Variants in DOCK1 observed in about 807,000 individuals in gnomAD.
DOCK1 encodes the protein dedicator of cytokinesis protein 1.
A neutral mutation model predicts 262.7 loss-of-function variants in DOCK1; 138 were observed. The observed-to-expected ratio is 0.53, with a 90% CI of 0.46 to 0.61. The LOEUF is 0.61. Ranked by LOEUF, DOCK1 falls within the 20% of genes least tolerant of loss-of-function variation. The pLI, the probability that DOCK1 is intolerant of heterozygous loss-of-function variation, is 0.00. For missense variants in DOCK1, 1,908 were observed against 2,370.7 expected (o/e 0.80, Z 4.05); for synonymous variants, 866 against 867.4 (o/e 1.00, Z 0.03).
At chr10:126,987,456 C>A in intron 4 of DOCK1, 65 bp from the exon 5 acceptor site, 1 of 1,343,078 alleles carries the variant, frequency 7.4e-7, no homozygotes, top group Non-Finnish European at 1.0e-6. Context: ...TGAAATTTAC[C>A]AGGTACTACT....
chr10:126,933,444 C>G (rs1407620390), intron 1 of DOCK1, among the ~76,000 whole-genome samples: 1 of 152,160 alleles, frequency 6.6e-6, no homozygotes, highest in Non-Finnish European at 1.5e-5. Flanking sequence ...TGGGTTGCCT[C>G]CTGCCTGTAA....
chr10:127,068,193 C>T (rs972855764), intron 23 of DOCK1, among the ~76,000 whole-genome samples: 3 of 152,244 alleles, frequency 2.0e-5, no homozygotes, highest in Admixed American at 2.0e-4. Flanking sequence ...TATTTTCTTG[C>T]CTTAAATCTT....
intron 27 of DOCK1, among the ~76,000 whole-genome samples, chr10:127,238,438 G>A (rs189496695): frequency 6.6e-6 from 1 of 152,244 alleles, no homozygotes. Flanking sequence ...AGCCTCCTCT[G>A]GACCAACCAT....
At chr10:127,045,377 T>A (rs2044279996) in intron 21 of DOCK1, among the ~76,000 whole-genome samples, 1 of 151,770 alleles carries the variant, frequency 6.6e-6, no homozygotes, top group Non-Finnish European at 1.5e-5. Flanking sequence ...TCCAAAGGAG[T>A]CAGTGGCGAC....
intron 27 of DOCK1, among the ~76,000 whole-genome samples, chr10:127,238,688 C>T: frequency 6.6e-6 from 1 of 152,238 alleles, no homozygotes; most frequent in East Asian, 1.9e-4. Flanking sequence ...GGGAGCCTCC[C>T]CACACCACCT....
At chr10:127,302,536 T>C (rs892464830) in intron 29 of DOCK1, among the ~76,000 whole-genome samples, 2 of 152,136 alleles carry the variant, frequency 1.3e-5, no homozygotes, top group Admixed American at 1.3e-4. Context: ...ACACAATCCG[T>C]CATTGTCTGG....
chr10:127,050,858 C>T (rs1040474589), intron 21 of DOCK1, among the ~76,000 whole-genome samples: 2 of 152,058 alleles, frequency 1.3e-5, no homozygotes, highest in Non-Finnish European at 2.9e-5. Flanking sequence ...AATTAAGCTT[C>T]TCACATTCCC....
chr10:126,951,293 G>C (rs1201456028), intron 1 of DOCK1, among the ~76,000 whole-genome samples: 1 of 151,442 alleles, frequency 6.6e-6, no homozygotes, highest in African/African-American at 2.4e-5. Context: ...AGTATTGGTA[G>C]TGTTAGTAGT....
chr10:127,018,140 A>C (rs908198886), intron 12 of DOCK1, among the ~76,000 whole-genome samples: 1 of 152,178 alleles, frequency 6.6e-6, no homozygotes, highest in Non-Finnish European at 1.5e-5. Context: ...GCACTGTGGT[A>C]CAGAGGGCCT....
chr10:126,957,313 A>C (rs2036825406), intron 1 of DOCK1, among the ~76,000 whole-genome samples: 1 of 152,052 alleles, frequency 6.6e-6, no homozygotes, highest in South Asian at 2.1e-4. Context: ...GTCACCCTTC[A>C]GGCTTGGGGA....
chr10:127,301,945 CAAA>C (rs532284873), intron 29 of DOCK1, among the ~76,000 whole-genome samples: 1 of 89,424 alleles, frequency 1.1e-5, no homozygotes, highest in African/African-American at 3.8e-5. Context: ...GACTCCATCT[CAAA>C]AAAAAAAAAA....
intron 47 of DOCK1, among the ~76,000 whole-genome samples, chr10:127,429,262 T>A (rs566437634): frequency 2.2e-4 from 33 of 152,176 alleles, no homozygotes; most frequent in Admixed American, 5.9e-4. Context: ...CACCCTGAGA[T>A]ACTTTGTTCC....
chr10:127,354,658 C>G lies in DOCK1; in HGVS notation c.3225-11C>G, dbSNP rs1156760268. 3 of 1,613,510 alleles carry G rather than the reference C, an allele frequency of 1.9e-6. No individual in the cohort carries two copies. The South Asian group carries it at 3.3e-5, about 18-fold the overall frequency. ...GAGTGATTCAGCGTTTTTCTTTTCCCTGATTTCCAGGTACGGAGATATGAG... is the reference window on the plus strand; with the variant it reads ...GAGTGATTCAGCGTTTTTCTTTTCCGTGATTTCCAGGTACGGAGATATGAG... On this transcript the variant is annotated splice_polypyrimidine_tract_variant and intron_variant, in intron 31 of 51. Transcript: ENST00000623213.
rs537990845 is a variant in DOCK1 at position 127,384,767 on chromosome 10, C to T, written c.3808-23C>T. 34 of 1,539,198 alleles carry T rather than the reference C, an allele frequency of 2.2e-5. No homozygotes were observed. The Admixed American group carries it at 4.0e-4, about 18-fold the overall frequency. ...CCTGGGTGTTTCCGCCTCGGGTCCG[C>T]TCATGCTATGCTTCTCCCTTAGTGG... On this transcript the variant is annotated intron_variant, in intron 37 of 51. Transcript: ENST00000623213.
intron 38 of DOCK1, among the ~76,000 whole-genome samples, chr10:127,394,661 G>A (rs570186058): frequency 6.6e-6 from 1 of 152,296 alleles, no homozygotes; most frequent in South Asian, 2.1e-4. Context: ...ATTATGATTT[G>A]CTCCTATGCA....
intron 38 of DOCK1, among the ~76,000 whole-genome samples, chr10:127,388,890 A>G (rs114080841): frequency 0.013 from 1,947 of 145,896 alleles, 41 homozygotes; most frequent in African/African-American, 0.047. Flanking sequence ...AATCAAGGGC[A>G]CCATCCAATC....
chr10:127,171,671 C>G (rs1396347617), intron 27 of DOCK1, among the ~76,000 whole-genome samples: 7 of 152,074 alleles, frequency 4.6e-5, no homozygotes, highest in Non-Finnish European at 8.8e-5. Flanking sequence ...GATTTGTAGG[C>G]TTTAGAATAT....
intron 28 of DOCK1, among the ~76,000 whole-genome samples, chr10:127,256,815 T>C (rs2498931): frequency 1 from 152,122 of 152,316 alleles, 75,964 homozygotes; most frequent in Middle Eastern, 1. Flanking sequence ...GCAACACGGC[T>C]GCACACTCAA....
At chr10:127,168,109 G>A (rs552410348) in intron 27 of DOCK1, among the ~76,000 whole-genome samples, 58 of 152,252 alleles carry the variant, frequency 3.8e-4, no homozygotes, top group African/African-American at 1.2e-3. Flanking sequence ...GCCTGTGCAC[G>A]CAGGTCAGGA....
Sources: allele counts gnomAD v4.1 joint callset (sites outside exome capture counted in the v4.1 genomes callset), GRCh38; gene constraint gnomAD v4.1.1; transcripts MANE v1.5; gene names NCBI Gene and HGNC (gene_info 2026-07-23, HGNC 2026-07-21).